The following MAGI2 variants were observed in gnomAD, a reference collection of about 807,000 sequenced individuals.
MAGI2 encodes the protein membrane-associated guanylate kinase, WW and PDZ domain-containing protein 2.
A neutral mutation model predicts 133.3 loss-of-function variants in MAGI2; 35 were observed. The observed-to-expected ratio is 0.26, with a 90% CI of 0.20 to 0.35. MAGI2 has a LOEUF of 0.35. Ranked by LOEUF, MAGI2 falls within the 10% of genes least tolerant of loss-of-function variation. The pLI is 1.00. For synonymous variants in MAGI2, 729 were observed against 710.6 expected (o/e 1.03, Z -0.41); for missense variants, 1,636 against 1,863.4 (o/e 0.88, Z 2.25).
At chr7:78,856,357 T>C (rs1793631851) in intron 2 of MAGI2, among the ~76,000 whole-genome samples, 1 of 152,192 alleles carries the variant, frequency 6.6e-6, no homozygotes. Context: ...ATTGCCTAGG[T>C]TTTCTTCTAG....
intron 2 of MAGI2, among the ~76,000 whole-genome samples, chr7:78,847,956 G>T (rs1395687997): frequency 6.6e-6 from 1 of 151,884 alleles, no homozygotes; most frequent in Non-Finnish European, 1.5e-5. Context: ...TGAATAACTT[G>T]CTAACTTACC....
At chr7:79,292,770 CAAA>C (rs199933554) in intron 1 of MAGI2, among the ~76,000 whole-genome samples, 7 of 57,408 alleles carry the variant, frequency 1.2e-4, no homozygotes, top group Admixed American at 2.5e-4. Context: ...TCAATTTCTG[CAAA>C]AAAAAAAAAA....
chr7:78,731,086 T>G (rs765984598), intron 2 of MAGI2, among the ~76,000 whole-genome samples: 1 of 152,144 alleles, frequency 6.6e-6, no homozygotes, highest in African/African-American at 2.4e-5. Flanking sequence ...CATTTTCTCT[T>G]TAAACCCAAC....
At chr7:78,513,124 A>T (rs1380488902) in intron 4 of MAGI2, among the ~76,000 whole-genome samples, 1 of 150,254 alleles carries the variant, frequency 6.7e-6, no homozygotes, top group Non-Finnish European at 1.5e-5. Context: ...CTTGCCTTCA[A>T]TTTTTTTTTT....
chr7:78,521,768 A>C, intron 3 of MAGI2, 123 bp from the exon 4 acceptor site: 1 of 671,710 alleles, frequency 1.5e-6, no homozygotes, highest in Non-Finnish European at 2.6e-6. Context: ...ACATAGACAC[A>C]TACATATATA....
chr7:79,169,072 T>TGG (rs1181320457), intron 1 of MAGI2, among the ~76,000 whole-genome samples: 1 of 151,932 alleles, frequency 6.6e-6, no homozygotes, highest in African/African-American at 2.4e-5. Flanking sequence ...GTCCCTTCCT[T>TGG]CTCGAAAAGC....
At chr7:78,220,726 A>G (rs1361817311) in intron 10 of MAGI2, among the ~76,000 whole-genome samples, 1 of 152,234 alleles carries the variant, frequency 6.6e-6, no homozygotes, top group East Asian at 1.9e-4. Context: ...ACATTTGCCC[A>G]AACGCATCCA....
At chr7:78,491,247 G>A (rs954754353) in intron 5 of MAGI2, among the ~76,000 whole-genome samples, 1 of 152,062 alleles carries the variant, frequency 6.6e-6, no homozygotes, top group Non-Finnish European at 1.5e-5. Context: ...GAAAGAGGGA[G>A]GATGGAGTCA....
At chr7:78,579,421 T>C (rs1024533924) in intron 3 of MAGI2, among the ~76,000 whole-genome samples, 1 of 152,166 alleles carries the variant, frequency 6.6e-6, no homozygotes, top group African/African-American at 2.4e-5. Flanking sequence ...GGAAAGCTCT[T>C]TGCCTTCCAT....
At chr7:79,334,047 C>T (rs1187051139) in intron 1 of MAGI2, among the ~76,000 whole-genome samples, 1 of 152,132 alleles carries the variant, frequency 6.6e-6, no homozygotes, top group Admixed American at 6.6e-5. Flanking sequence ...TAATTATTCA[C>T]CCAGCAACCC....
chr7:78,705,190 G>T (rs1455898522), intron 2 of MAGI2, among the ~76,000 whole-genome samples: 1 of 152,060 alleles, frequency 6.6e-6, no homozygotes, highest in Non-Finnish European at 1.5e-5. Flanking sequence ...GATGGGAGAT[G>T]ATTGGATCAT....
At chr7:78,709,182 T>C (rs866158234) in intron 2 of MAGI2, among the ~76,000 whole-genome samples, 1 of 152,116 alleles carries the variant, frequency 6.6e-6, no homozygotes, top group Admixed American at 6.6e-5. Flanking sequence ...CTTAACTATG[T>C]CATACAAAGC....
chr7:78,063,757 C>A (rs889068541), intron 21 of MAGI2, among the ~76,000 whole-genome samples: 1 of 152,162 alleles, frequency 6.6e-6, no homozygotes, highest in African/African-American at 2.4e-5. Flanking sequence ...TTCTGCTAAG[C>A]AGATTAGTTT....
At chr7:78,545,640 G>A (rs1391993408) in intron 3 of MAGI2, among the ~76,000 whole-genome samples, 2 of 152,168 alleles carry the variant, frequency 1.3e-5, no homozygotes, top group East Asian at 1.9e-4. Flanking sequence ...TAATGACATT[G>A]TTGGTAGAAT....
chr7:78,097,209 TTGG>T (rs1343508474), intron 20 of MAGI2, among the ~76,000 whole-genome samples: 5 of 152,174 alleles, frequency 3.3e-5, no homozygotes, highest in Admixed American at 6.5e-5. Context: ...TTATACACTA[TTGG>T]TGGAAGTGTA....
intron 2 of MAGI2, among the ~76,000 whole-genome samples, chr7:78,983,159 TG>T (rs1486224440): frequency 2.0e-5 from 3 of 151,986 alleles, no homozygotes; most frequent in African/African-American, 7.2e-5. Context: ...GCTTTTAAAA[TG>T]TGGTTAGTAA....
chr7:79,362,662 G>A (rs192454239), intron 1 of MAGI2, among the ~76,000 whole-genome samples: 40 of 152,012 alleles, frequency 2.6e-4, no homozygotes, highest in Non-Finnish European at 2.9e-4. Flanking sequence ...GTAATCTATC[G>A]TATCAACAAG....
chr7:78,868,595 T>C (rs1167290375), intron 2 of MAGI2, among the ~76,000 whole-genome samples: 3 of 152,164 alleles, frequency 2.0e-5, no homozygotes, highest in African/African-American at 2.4e-5. Context: ...TATGATGAGA[T>C]TAGCAAACAT....
At chr7:79,311,929 C>T (rs1381780130) in intron 1 of MAGI2, among the ~76,000 whole-genome samples, 1 of 152,020 alleles carries the variant, frequency 6.6e-6, no homozygotes, top group African/African-American at 2.4e-5. Context: ...TCCTTTGTCC[C>T]TATTTTTAAA....
Sources: gnomAD v4.1 joint callset for allele counts (sites outside exome capture counted in the v4.1 genomes callset) on GRCh38, gnomAD v4.1.1 for gene constraint, MANE v1.5 for transcripts, NCBI Gene and HGNC (gene_info 2026-07-23, HGNC 2026-07-21) for gene names.